MYRIP: variants seen among roughly 807,000 people sequenced by gnomAD.
MYRIP encodes myosin VIIA and Rab interacting protein, also known as rab effector MyRIP.
MYRIP carries 49 observed loss-of-function variants against 98.0 expected under a neutral mutation model. The ratio of observed to expected loss-of-function variants is 0.50; its 90% CI spans 0.40 to 0.63. The LOEUF (loss-of-function observed/expected upper bound fraction) is 0.63. MYRIP is among the 30% of genes least tolerant of loss of function. The pLI is 0.00. For synonymous variants in MYRIP, 404 were observed against 409.5 expected, an observed-to-expected ratio of 0.99 and a Z score of 0.16; for missense variants, 1,004 against 1,058.2, an observed-to-expected ratio of 0.95 and a Z score of 0.71.
chr3:39,999,124 A>G (rs1012658316), intron 2 of MYRIP, among the ~76,000 whole-genome samples: 10 of 152,236 alleles, frequency 6.6e-5, no homozygotes, highest in African/African-American at 2.4e-4. Context: ...ATGGGCAAGG[A>G]CTTCATGTCT....
intron 1 of MYRIP, among the ~76,000 whole-genome samples, chr3:39,838,579 A>C (rs1049703371): frequency 3.9e-5 from 6 of 151,962 alleles, no homozygotes; most frequent in African/African-American, 1.2e-4. Context: ...TTGGTGGATA[A>C]GCCTTTTAAT....
chr3:40,171,883 G>A lies in MYRIP; in HGVS notation c.873+1790G>A, dbSNP rs1167389787. On this transcript the variant is annotated intron_variant, in intron 8 of 16. Transcript: ENST00000302541. ...TATAAAGTAAAGAGGTTTGACTCAC[G>A]GTTCCACATGGCTGGGGAGGCCACA... Among the ~76,000 whole-genome samples, 7 of 152,350 alleles carry A rather than the reference G, an allele frequency of 4.6e-5. 1 individual carries two copies. The South Asian group carries it at 1.4e-3, about 32-fold the overall frequency.
chr3:39,981,893 T>C (rs983487432), intron 2 of MYRIP, among the ~76,000 whole-genome samples: 1 of 151,964 alleles, frequency 6.6e-6, no homozygotes, highest in Non-Finnish European at 1.5e-5. Context: ...GAAATATCAA[T>C]AGGTTAAATA....
At chr3:40,046,907 A>C (rs1193430585) in intron 3 of MYRIP, among the ~76,000 whole-genome samples, 1 of 152,166 alleles carries the variant, frequency 6.6e-6, no homozygotes, top group Non-Finnish European at 1.5e-5. Context: ...AAGAAAAGTC[A>C]CCAAATTTAC....
intron 3 of MYRIP, among the ~76,000 whole-genome samples, chr3:40,132,060 A>G (rs1949655833): frequency 6.6e-6 from 1 of 152,118 alleles, no homozygotes; most frequent in Non-Finnish European, 1.5e-5. Context: ...TGCTTATATC[A>G]TTTTTTAAGA....
intron 2 of MYRIP, among the ~76,000 whole-genome samples, chr3:39,923,149 C>T (rs1157038292): frequency 6.6e-6 from 1 of 151,908 alleles, no homozygotes; most frequent in Non-Finnish European, 1.5e-5. Flanking sequence ...CTAGTGTGAA[C>T]AACAGAGAGA....
At position 39,982,351 on chromosome 3, in the gene MYRIP, G is replaced by A. The variant is rs537093171; in HGVS notation, c.111-61699G>A. Among the ~76,000 whole-genome samples, 5 of 152,260 alleles carry A rather than the reference G, an allele frequency of 3.3e-5. No homozygotes were observed. In the East Asian group the frequency reaches 7.7e-4, roughly 24 times the overall value. On this transcript the variant is annotated intron_variant, in intron 2 of 16. Transcript: ENST00000302541. ...AGCACCATATACATGTATGTACGAT[G>A]AGAAATTGGACCGCTATTTATAGGT... is the stretch of plus-strand genomic sequence containing the variant.
At chr3:40,020,109 AC>A (rs763537164) in intron 2 of MYRIP, among the ~76,000 whole-genome samples, 1 of 152,138 alleles carries the variant, frequency 6.6e-6, no homozygotes, top group Non-Finnish European at 1.5e-5. Flanking sequence ...TGAGCATAGT[AC>A]CCATAGATAG....
intron 2 of MYRIP, among the ~76,000 whole-genome samples, chr3:39,945,127 G>C (rs1252616802): frequency 6.6e-6 from 1 of 151,894 alleles, no homozygotes; most frequent in Admixed American, 6.6e-5. Flanking sequence ...AAGGTTCACA[G>C]ATAGTCAGGT....
intron 1 of MYRIP, among the ~76,000 whole-genome samples, chr3:39,823,311 G>A (rs1234196763): frequency 6.6e-6 from 1 of 152,132 alleles, no homozygotes; most frequent in Non-Finnish European, 1.5e-5. Context: ...ACCGTGCCTG[G>A]TCAGATGTCT....
intron 1 of MYRIP, among the ~76,000 whole-genome samples, chr3:39,835,928 C>CT (rs1941605224): frequency 6.6e-6 from 1 of 152,136 alleles, no homozygotes; most frequent in Non-Finnish European, 1.5e-5. Context: ...TGAACTCATT[C>CT]TTTTTTATGG....
intron 3 of MYRIP, among the ~76,000 whole-genome samples, chr3:40,048,269 C>T (rs1264010272): frequency 1.3e-5 from 2 of 152,172 alleles, no homozygotes; most frequent in African/African-American, 2.4e-5. Flanking sequence ...CCCCACTACC[C>T]ATGAGATGCA....
At position 40,130,520 on chromosome 3, in the gene MYRIP, G is replaced by A. The variant is rs1479947221; in HGVS notation, c.333-20528G>A. ...AGCCTCCCGAGTAGCTGGGACTACAGGCGCCCACCATCACGCCCGGCTAAT... is the reference window on the plus strand; with the variant it reads ...AGCCTCCCGAGTAGCTGGGACTACAAGCGCCCACCATCACGCCCGGCTAAT... On this transcript the variant is annotated intron_variant, in intron 3 of 16. Transcript: ENST00000302541. Among the ~76,000 whole-genome samples the A allele has an allele frequency of 5.3e-5, 8 of 151,858 alleles. No homozygotes were observed. The East Asian group carries it at 9.7e-4, about 18-fold the overall frequency.
intron 2 of MYRIP, among the ~76,000 whole-genome samples, chr3:40,040,999 A>G (rs991932368): frequency 7.8e-6 from 1 of 128,246 alleles, no homozygotes; most frequent in Non-Finnish European, 1.7e-5. Context: ...AAAAAGAAAA[A>G]AAAAAAGAAA....
chr3:40,151,982 ATCT>A (rs1204299433), intron 4 of MYRIP, among the ~76,000 whole-genome samples: 1 of 152,178 alleles, frequency 6.6e-6, no homozygotes, highest in Non-Finnish European at 1.5e-5. Flanking sequence ...CTTTGGTTGT[ATCT>A]TATCTAAAAA....
chr3:39,897,254 A>T (rs1218726539), intron 1 of MYRIP, among the ~76,000 whole-genome samples: 1 of 152,198 alleles, frequency 6.6e-6, no homozygotes, highest in Non-Finnish European at 1.5e-5. Flanking sequence ...ATTGATTCTG[A>T]TAGACTTCCC....
chr3:40,014,634 A>G (rs1323863717), intron 2 of MYRIP, among the ~76,000 whole-genome samples: 1 of 152,142 alleles, frequency 6.6e-6, no homozygotes, highest in Non-Finnish European at 1.5e-5. Flanking sequence ...CTCTTCCTGT[A>G]CTTCCTATTC....
intron 3 of MYRIP, among the ~76,000 whole-genome samples, chr3:40,116,423 C>T (rs1010921765): frequency 1.3e-5 from 2 of 149,886 alleles, no homozygotes; most frequent in African/African-American, 4.9e-5. Context: ...AAACATCCCC[C>T]TACTGTAAGT....
chr3:39,891,572 A>T (rs1481338901), intron 1 of MYRIP, among the ~76,000 whole-genome samples: 1 of 152,120 alleles, frequency 6.6e-6, no homozygotes, highest in Non-Finnish European at 1.5e-5. Flanking sequence ...TTCTAAGTTC[A>T]CTTTTCCAAA....
Sources: gnomAD v4.1 joint callset for allele counts (sites outside exome capture counted in the v4.1 genomes callset) on GRCh38, gnomAD v4.1.1 for gene constraint, MANE v1.5 for transcripts, NCBI Gene and HGNC (gene_info 2026-07-23, HGNC 2026-07-21) for gene names.